Variants in SLC25A21 observed in about 807,000 individuals in gnomAD.
The protein encoded by SLC25A21 is mitochondrial 2-oxodicarboxylate carrier.
Under a neutral mutation model 43.8 loss-of-function variants are expected in SLC25A21, and 47 were observed. The ratio of observed to expected loss-of-function variants is 1.07; its 90% CI spans 0.85 to 1.37. The LOEUF (loss-of-function observed/expected upper bound fraction) is 1.37. SLC25A21 is among the 40% of genes most tolerant of loss of function. SLC25A21 has a pLI of 0.00. For missense variants in SLC25A21, 352 were observed against 350.2 expected (o/e 1.00, Z -0.04); for synonymous variants, 131 against 121.3 (o/e 1.08, Z -0.52).
chr14:36,927,255 G>A (rs1279148829), intron 1 of SLC25A21, among the ~76,000 whole-genome samples: 3 of 152,168 alleles, frequency 2.0e-5, no homozygotes, highest in Non-Finnish European at 4.4e-5. Flanking sequence ...AACCCTAAAT[G>A]TATATTCCCA....
chr14:36,934,701 TAC>T lies in SLC25A21; in HGVS notation c.71-59699_71-59698del, dbSNP rs1313356863. 2.3e-5 allele frequency among the ~76,000 whole-genome samples: 3 copies of T among 131,458 alleles called. 1 individual carries two copies. The highest frequency in any genetic ancestry group is 8.2e-5 in the African/African-American group (3 of 36,372). The allele number at this position is 131,458 out of a possible 152,430, so 86.2% of individuals were successfully genotyped here. ...TTCTCACTTTTGCTCCTTAGAGTTA[TAC>T]ACACACACACAGAGAAAAGAGAGAG... On this transcript the variant is annotated intron_variant, in intron 1 of 9. Coordinates refer to ENST00000331299, the MANE Select transcript of SLC25A21 (RefSeq NM_030631.4).
chr14:36,866,583 C>T (rs377579252), intron 2 of SLC25A21, among the ~76,000 whole-genome samples: 11 of 152,204 alleles, frequency 7.2e-5, no homozygotes, highest in African/African-American at 2.4e-4. Flanking sequence ...ATTCCCCCCA[C>T]CTAGGACCTT....
intron 1 of SLC25A21, among the ~76,000 whole-genome samples, chr14:36,915,009 T>TA (rs374827898): frequency 4.9e-3 from 729 of 148,034 alleles, no homozygotes; most frequent in Non-Finnish European, 8.4e-3. Flanking sequence ...TTAGTTTCCT[T>TA]AAAAAAAAAA....
At chr14:36,968,940 GGTCAA>G (rs1482803948) in intron 1 of SLC25A21, among the ~76,000 whole-genome samples, 1 of 152,110 alleles carries the variant, frequency 6.6e-6, no homozygotes, top group African/African-American at 2.4e-5. Context: ...GCAGCCAAGG[GGTCAA>G]GTCTTCTCAA....
At chr14:37,145,025 AAC>A (rs1241476687) in intron 1 of SLC25A21, among the ~76,000 whole-genome samples, 10 of 152,160 alleles carry the variant, frequency 6.6e-5, no homozygotes, top group Non-Finnish European at 2.9e-5. Context: ...AATAATAACT[AAC>A]ACAGAGCATT....
intron 1 of SLC25A21, among the ~76,000 whole-genome samples, chr14:37,145,855 G>T (rs888412507): frequency 2.6e-5 from 4 of 152,154 alleles, no homozygotes; most frequent in Non-Finnish European, 4.4e-5. Context: ...AGAATCAATG[G>T]GACTTGGATT....
chr14:36,684,634 C>T, intron 8 of SLC25A21, 110 bp downstream of exon 8: 10 of 977,382 alleles, frequency 1.0e-5, no homozygotes, highest in Non-Finnish European at 1.3e-5. Context: ...TTCTTAGACA[C>T]AAGCTCCACT....
chr14:36,924,626 G>A (rs1305052617), intron 1 of SLC25A21, among the ~76,000 whole-genome samples: 1 of 151,998 alleles, frequency 6.6e-6, no homozygotes, highest in East Asian at 1.9e-4. Flanking sequence ...GTATACATAT[G>A]TAACAAACCT....
At chr14:36,996,132 C>T (rs1168685136) in intron 1 of SLC25A21, among the ~76,000 whole-genome samples, 1 of 152,148 alleles carries the variant, frequency 6.6e-6, no homozygotes, top group Non-Finnish European at 1.5e-5. Context: ...CTCCCACTCT[C>T]CCTGCCCTCA....
rs60203233 is a variant in SLC25A21 at position 36,783,179 on chromosome 14, T to C, written c.203+30739A>G. On this transcript the variant is annotated intron_variant, in intron 3 of 9. Transcript: ENST00000331299. ...GCTGATTATGTGTGCTTGCAAGTCA[T>C]CTGCAAATGCTCTTACTATCTTGGG... Among the ~76,000 whole-genome samples, 125 of 131,866 alleles carry C rather than the reference T, an allele frequency of 9.5e-4. 2 individuals are homozygous for C. The East Asian group carries it at 0.03, about 31-fold the overall frequency. 86.5% of individuals were successfully genotyped at this position (131,866 alleles called of 152,430 possible).
rs566790834 is a variant in SLC25A21 at position 36,720,697 on chromosome 14, C to G, written c.438+4873G>C. 2.0e-5 allele frequency among the ~76,000 whole-genome samples: 3 copies of G among 152,336 alleles called. No homozygotes were observed. The East Asian group carries it at 5.8e-4, about 29-fold the overall frequency. Reference sequence around the variant, plus strand: ...TTCATGTTAACTTTATACAGCTATTCCAGAGGAAGAAATCTCTTGATTGTG... The same window carrying G: ...TTCATGTTAACTTTATACAGCTATTGCAGAGGAAGAAATCTCTTGATTGTG... On this transcript the variant is annotated intron_variant, in intron 6 of 9. Coordinates refer to ENST00000331299, the MANE Select transcript of SLC25A21 (RefSeq NM_030631.4).
At chr14:36,720,872 A>C (rs1884344511) in intron 6 of SLC25A21, among the ~76,000 whole-genome samples, 1 of 152,192 alleles carries the variant, frequency 6.6e-6, no homozygotes, top group African/African-American at 2.4e-5. Context: ...ATCAACAGGC[A>C]CTGTAAGCAG....
chr14:36,699,529 T>C lies in SLC25A21; in HGVS notation c.603+11789A>G, dbSNP rs562220782. ...AGTCTGCAGAAGTTGTCTGCTGCCTTTTATTCAGCTATGCCTTACCCACAG... is the reference window on the plus strand; with the variant it reads ...AGTCTGCAGAAGTTGTCTGCTGCCTCTTATTCAGCTATGCCTTACCCACAG... On this transcript the variant is annotated intron_variant, in intron 7 of 9. Transcript: ENST00000331299. Among the ~76,000 whole-genome samples the C allele has an allele frequency of 6.6e-5, 10 of 152,328 alleles. No individual in the cohort carries two copies. The South Asian group carries it at 1.9e-3, about 28-fold the overall frequency.
chr14:36,942,476 A>G (rs1892586862), intron 1 of SLC25A21, among the ~76,000 whole-genome samples: 1 of 152,168 alleles, frequency 6.6e-6, no homozygotes, highest in Non-Finnish European at 1.5e-5. Flanking sequence ...AACACATTTT[A>G]ATTATTTTAA....
At chr14:36,895,008 G>T (rs1377914216) in intron 1 of SLC25A21, among the ~76,000 whole-genome samples, 1 of 151,918 alleles carries the variant, frequency 6.6e-6, no homozygotes, top group East Asian at 1.9e-4. Flanking sequence ...TCTCTTTTTT[G>T]GTTGTGTCTC....
chr14:36,735,560 C>T (rs972803623), intron 3 of SLC25A21, among the ~76,000 whole-genome samples: 1 of 152,188 alleles, frequency 6.6e-6, no homozygotes, highest in Non-Finnish European at 1.5e-5. Flanking sequence ...CTCCCTTAAA[C>T]TGGGTCCACT....
rs1882030749 is a variant in SLC25A21 at position 36,678,713 on chromosome 14, T to TAA, written c.*1943_*1944dup. ...ATAATGTTATTTTCTTTATCTAAAT[T>TAA]AAGAAATCTCTTGTTATTGTGCTAT... is the stretch of plus-strand genomic sequence containing the variant. On this transcript the variant is annotated 3_prime_UTR_variant, in exon 10 of 10. Transcript: ENST00000331299. The TAA allele has an allele frequency of 1.6e-6, 2 of 1,215,180 alleles. No homozygotes were observed. Among genetic ancestry groups the TAA allele is most frequent in the South Asian group, 7.4e-5 (2 of 27,028 alleles). The allele number at this position is 1,215,180 out of a possible 1,614,324, so 75.3% of individuals were successfully genotyped here.
rs149355455 is a variant in SLC25A21 at position 36,946,209 on chromosome 14, G to A, written c.71-71205C>T. ...ATGCAAACTTACTTCTTGTCATACT[G>A]TACCAGTGTAGTACAAATTATATCA... On this transcript the variant is annotated intron_variant, in intron 1 of 9. Coordinates refer to ENST00000331299, the MANE Select transcript of SLC25A21 (RefSeq NM_030631.4). 7.1e-3 allele frequency among the ~76,000 whole-genome samples: 1,076 copies of A among 152,262 alleles called. 17 individuals are homozygous for A. The highest frequency in any genetic ancestry group is 0.024 in the African/African-American group (993 of 41,542).
At chr14:37,019,648 C>T (rs1340077084) in intron 1 of SLC25A21, among the ~76,000 whole-genome samples, 2 of 117,170 alleles carry the variant, frequency 1.7e-5, no homozygotes, top group Non-Finnish European at 3.3e-5. Context: ...AAGGAGACAA[C>T]TGGTAAAAAA....
Sources: gnomAD v4.1 joint callset for allele counts (sites outside exome capture counted in the v4.1 genomes callset) on GRCh38, gnomAD v4.1.1 for gene constraint, MANE v1.5 for transcripts, NCBI Gene and HGNC (gene_info 2026-07-23, HGNC 2026-07-21) for gene names.